JMY: variants seen among roughly 807,000 people sequenced by gnomAD.
JMY encodes junction-mediating and -regulatory protein.
Under a neutral mutation model 103.3 loss-of-function variants are expected in JMY, and 46 were observed. That is an observed-to-expected ratio of 0.45 (90% CI 0.35 to 0.57). The LOEUF (loss-of-function observed/expected upper bound fraction) is 0.57, where lower values mean the gene tolerates loss of function less well. Ranked by LOEUF, JMY falls within the 20% of genes least tolerant of loss-of-function variation. The probability of loss-of-function intolerance (pLI) is 0.00; values close to 1 mark genes in which losing one functional copy is unlikely to be tolerated. For synonymous variants in JMY, 526 were observed against 489.3 expected (o/e 1.07, Z -0.99); for missense variants, 1,238 against 1,255.2 (o/e 0.99, Z 0.21).
intron 1 of JMY, among the ~76,000 whole-genome samples, chr5:79,243,547 A>T (rs556159757): frequency 2.6e-5 from 4 of 152,224 alleles, no homozygotes; most frequent in Admixed American, 2.0e-4. Context: ...TGTTGAGGAC[A>T]TATGGGAGCT....
At chr5:79,262,364 C>G (rs1466364439) in intron 1 of JMY, among the ~76,000 whole-genome samples, 2 of 152,108 alleles carry the variant, frequency 1.3e-5, no homozygotes, top group African/African-American at 4.8e-5. Flanking sequence ...AGTTTATAAC[C>G]TGCAAATGCC....
chr5:79,312,019 G>A (rs1002677500), intron 7 of JMY, among the ~76,000 whole-genome samples: 3 of 152,040 alleles, frequency 2.0e-5, no homozygotes, highest in Non-Finnish European at 4.4e-5. Context: ...GTTTCACCAT[G>A]TTGGCCTGGC....
chr5:79,290,071 G>T, intron 2 of JMY, 50 bp from the exon 3 acceptor site: 5 of 1,355,054 alleles, frequency 3.7e-6, no homozygotes, highest in Non-Finnish European at 4.0e-6. Flanking sequence ...TTTGAGGAAT[G>T]AGTAGAAGAA....
intron 2 of JMY, chr5:79,284,667 G>A: frequency 6.3e-7 from 1 of 1,582,122 alleles, no homozygotes. Context: ...TAATCAGCTT[G>A]AATTTTCTAA....
chr5:79,251,625 A>G (rs1004661204), intron 1 of JMY, among the ~76,000 whole-genome samples: 4 of 137,816 alleles, frequency 2.9e-5, no homozygotes, highest in Non-Finnish European at 4.8e-5. Context: ...CATTCATTCT[A>G]TTTTTTTTTT....
chr5:79,314,845 A>AG lies in JMY; in HGVS notation c.2655dup (p.Arg886GlufsTer8). 1 of 1,561,546 alleles carries AG rather than the reference A, an allele frequency of 6.4e-7. No individual in the cohort carries two copies. The highest frequency in any genetic ancestry group is 8.7e-7 in the Non-Finnish European group (1 of 1,155,168). ...AAAGACTGCTGAAGGTTTGCAGAGG[A>AG]GGAGAGGTACGTCAACATATTTTCA... On this transcript the variant is annotated frameshift_variant, in exon 9 of 11. Coordinates refer to ENST00000396137, the MANE Select transcript of JMY (RefSeq NM_152405.5). LOFTEE classifies it high-confidence loss of function.
At chr5:79,285,766 T>G (rs1409461346) in intron 2 of JMY, among the ~76,000 whole-genome samples, 1 of 152,186 alleles carries the variant, frequency 6.6e-6, no homozygotes, top group East Asian at 1.9e-4. Context: ...TTCACAGTTT[T>G]TTCCCCCTCA....
rs1206471748 is a variant in JMY, at chr5:79,322,578, G to GA, written c.*977dup. On this transcript the variant is annotated 3_prime_UTR_variant, in exon 11 of 11. Transcript: ENST00000396137. ...ATGTGCTCTACAAAGATAGAAAGTA[G>GA]AGACAAGTCTCCGTGGCTGGCATTT... The GA allele has an allele frequency of 6.6e-6, 1 of 152,180 alleles. No individual in the cohort carries two copies. The highest frequency in any genetic ancestry group is 1.5e-5 in the Non-Finnish European group (1 of 68,020). 9.4% of individuals were successfully genotyped at this position (152,180 alleles called of 1,614,324 possible). A position where few individuals can be genotyped will look rare whatever the true frequency, so the allele number is the denominator to read the frequency against.
At chr5:79,319,768 T>G (rs1177267167) in intron 10 of JMY, among the ~76,000 whole-genome samples, 1 of 151,938 alleles carries the variant, frequency 6.6e-6, no homozygotes, top group Non-Finnish European at 1.5e-5. Flanking sequence ...TTTGTAGAGA[T>G]GGGGTTTCAC....
chr5:79,303,708 T>C (rs1435672808), intron 6 of JMY, among the ~76,000 whole-genome samples: 1 of 152,112 alleles, frequency 6.6e-6, no homozygotes, highest in Non-Finnish European at 1.5e-5. Context: ...GAAGTGAAGA[T>C]GATGATTCCA....
chr5:79,269,329 A>G (rs576889188), intron 1 of JMY, among the ~76,000 whole-genome samples: 109 of 152,248 alleles, frequency 7.2e-4, no homozygotes, highest in Admixed American at 2.0e-3. Context: ...CAGATACCCT[A>G]CTGTCTTGAC....
At chr5:79,257,848 T>A (rs555930340) in intron 1 of JMY, among the ~76,000 whole-genome samples, 1 of 152,194 alleles carries the variant, frequency 6.6e-6, no homozygotes, top group African/African-American at 2.4e-5. Context: ...CTGCAACTTC[T>A]GCCTCCTGTG....
chr5:79,297,757 G>A (rs1019885098), intron 4 of JMY, among the ~76,000 whole-genome samples: 4 of 152,222 alleles, frequency 2.6e-5, no homozygotes. Flanking sequence ...CTCCTTCACT[G>A]CTTGTCTGCC....
At chr5:79,260,896 T>G (rs1745401873) in intron 1 of JMY, among the ~76,000 whole-genome samples, 2 of 152,178 alleles carry the variant, frequency 1.3e-5, no homozygotes, top group South Asian at 4.1e-4. Context: ...CAAATGGACC[T>G]AAAGGCAGTT....
At chr5:79,274,695 C>T (rs186713264) in intron 1 of JMY, among the ~76,000 whole-genome samples, 74 of 152,262 alleles carry the variant, frequency 4.9e-4, no homozygotes, top group Middle Eastern at 6.8e-3. Context: ...CTTGATCCAC[C>T]GCACCTGCCC....
chr5:79,264,434 G>T (rs1182197126), intron 1 of JMY, among the ~76,000 whole-genome samples: 2 of 148,286 alleles, frequency 1.3e-5, no homozygotes, highest in African/African-American at 2.5e-5. Context: ...TCACTATGTT[G>T]CCCAGGCTGG....
At chr5:79,303,705 AGAT>A (rs1746803810) in intron 6 of JMY, among the ~76,000 whole-genome samples, 1 of 152,180 alleles carries the variant, frequency 6.6e-6, no homozygotes, top group African/African-American at 2.4e-5. Flanking sequence ...ATAGAAGTGA[AGAT>A]GATGATTCCA....
intron 10 of JMY, among the ~76,000 whole-genome samples, chr5:79,321,018 T>C (rs1747431543): frequency 6.6e-6 from 1 of 152,208 alleles, no homozygotes; most frequent in African/African-American, 2.4e-5. Flanking sequence ...ACTAGATCAG[T>C]CACACTAGAC....
At chr5:79,276,898 C>T (rs1745954463) in intron 1 of JMY, among the ~76,000 whole-genome samples, 2 of 152,140 alleles carry the variant, frequency 1.3e-5, no homozygotes, top group Admixed American at 6.6e-5. Flanking sequence ...AGCCACCATG[C>T]CTGGCCGATT....
Sources: gnomAD v4.1 joint callset for allele counts (sites outside exome capture counted in the v4.1 genomes callset) on GRCh38, gnomAD v4.1.1 for gene constraint, MANE v1.5 for transcripts, NCBI Gene and HGNC (gene_info 2026-07-23, HGNC 2026-07-21) for gene names.